TCTN3: variants seen among roughly 807,000 people sequenced by gnomAD.
TCTN3 encodes the protein tectonic family member 3, also known as tectonic-3.
In TCTN3, 57 loss-of-function variants were observed where a neutral mutation model predicts 71.3. The ratio of observed to expected loss-of-function variants is 0.80; its 90% CI spans 0.65 to 1.00. The LOEUF is 1.00. Among genes scored for constraint, TCTN3 ranks in the 50% least tolerant of loss-of-function variants. TCTN3 has a pLI of 0.00. For missense variants in TCTN3, 696 were observed against 719.9 expected (o/e 0.97, Z 0.38); for synonymous variants, 258 against 267.8 (o/e 0.96, Z 0.36).
At chr10:95,690,320 T>C (rs2097952372) in intron 3 of TCTN3, among the ~76,000 whole-genome samples, 1 of 152,188 alleles carries the variant, frequency 6.6e-6, no homozygotes, top group Non-Finnish European at 1.5e-5. Flanking sequence ...GAAACAAAGA[T>C]ATGGTCCATC....
intron 13 of TCTN3, among the ~76,000 whole-genome samples, chr10:95,675,696 CAGTT>C (rs1240688081): frequency 6.6e-6 from 1 of 152,170 alleles, no homozygotes; most frequent in Non-Finnish European, 1.5e-5. Context: ...AAAGAGAAGT[CAGTT>C]AGTATTCTCC....
intron 2 of TCTN3, 141 bp from the exon 3 acceptor site, chr10:95,693,179 T>C (rs2097955258): frequency 4.0e-6 from 5 of 1,236,038 alleles, no homozygotes. Flanking sequence ...CTTATTCTAC[T>C]GGCCAGCCCT....
intron 13 of TCTN3, among the ~76,000 whole-genome samples, chr10:95,676,220 AAAAC>A (rs1280759131): frequency 5.9e-5 from 9 of 152,180 alleles, no homozygotes; most frequent in Non-Finnish European, 2.9e-5. Context: ...TTAAAATACA[AAAAC>A]AAACCAGAAT....
chr10:95,693,123 G>C (rs2097955190), intron 2 of TCTN3, 85 bp from the exon 3 acceptor site: 1 of 1,242,612 alleles, frequency 8.0e-7, no homozygotes, highest in Admixed American at 2.0e-5. Flanking sequence ...TCGGCCAGAT[G>C]ATGCCAAAGA....
At chr10:95,681,637 G>A (rs2097943119) in intron 12 of TCTN3, among the ~76,000 whole-genome samples, 1 of 152,180 alleles carries the variant, frequency 6.6e-6, no homozygotes, top group Non-Finnish European at 1.5e-5. Context: ...GCAAAATGCA[G>A]AAAGGCATAT....
At chr10:95,671,191 A>G (rs1172869401) in intron 13 of TCTN3, among the ~76,000 whole-genome samples, 1 of 152,312 alleles carries the variant, frequency 6.6e-6, no homozygotes, top group African/African-American at 2.4e-5. Context: ...TTTTATCAAG[A>G]CAGACAAAAG....
chr10:95,666,297 A>G (rs1300665867), intron 13 of TCTN3, among the ~76,000 whole-genome samples: 1 of 150,942 alleles, frequency 6.6e-6, no homozygotes, highest in Non-Finnish European at 1.5e-5. Flanking sequence ...TAGGATAAAT[A>G]TAACTTCTGA....
At chr10:95,684,433 C>T (rs1487569257) in intron 9 of TCTN3, 66 bp downstream of exon 9, 6 of 1,573,534 alleles carry the variant, frequency 3.8e-6, no homozygotes, top group Non-Finnish European at 5.2e-6. Flanking sequence ...ATTACAGAAG[C>T]AAAGAAATTA....
At chr10:95,674,570 T>C (rs1026580590) in intron 13 of TCTN3, among the ~76,000 whole-genome samples, 1 of 152,190 alleles carries the variant, frequency 6.6e-6, no homozygotes, top group Non-Finnish European at 1.5e-5. Flanking sequence ...CCTTTTCATG[T>C]CAATAACATT....
chr10:95,691,327 T>C (rs2097953339), intron 3 of TCTN3, among the ~76,000 whole-genome samples: 1 of 152,020 alleles, frequency 6.6e-6, no homozygotes. Flanking sequence ...TAATTTTTTG[T>C]TTTTTTAGTA....
In TCTN3 at chr10:95,687,681, C is replaced by T; in HGVS notation, c.538G>A (p.Ala180Thr). 4 of 1,614,106 alleles carry T rather than the reference C, an allele frequency of 2.5e-6. No individual in the cohort carries two copies. Among genetic ancestry groups the T allele is most frequent in the Non-Finnish European group, 3.4e-6 (4 of 1,179,966 alleles). ...NYFQKLQKVN[A>T]TNFQALAAEF... ...GCAGCCAGGGCCTGGAAGTTGGTTG[C>T]ATTGACCTTTTGAAGCTTCTGGAAA... Residue 180 changes from alanine (A) to threonine (T), a missense_variant, in exon 4 of 14, where the codon GCA (alanine) becomes ACA (threonine). Transcript: ENST00000371217.
At position 95,693,342 on chromosome 10, in the gene TCTN3, A is replaced by G. The variant is rs2097955453; in HGVS notation, c.380+11T>C. On this transcript the variant is annotated intron_variant, in intron 2 of 13. Transcript: ENST00000371217. ...ACCCCTTTAGGATTCAGTCTGAGCA[A>G]CGAAGCTCACCTTACGCTGCCTGGA... 1 of 1,551,808 alleles carries G rather than the reference A, an allele frequency of 6.4e-7. No individual in the cohort carries two copies. Among genetic ancestry groups the G allele is most frequent in the African/African-American group, 1.4e-5 (1 of 73,188 alleles).
chr10:95,682,378 T>G (rs1360848689), intron 12 of TCTN3, among the ~76,000 whole-genome samples: 1 of 151,984 alleles, frequency 6.6e-6, no homozygotes, highest in Admixed American at 6.6e-5. Context: ...CAGTCCCAGC[T>G]ACTCGGGAGG....
Position 95,677,493 on chromosome 10 carries a change from T to TTTG in TCTN3, c.1590+2978_1590+2979insCAA, listed in dbSNP as rs1589609161. ...TCTACAGTTTTTTTTGTTTTTTTTTTTTTTTTTTGCTGTATTTTCCCTCTA... is the reference window on the plus strand; with the variant it reads ...TCTACAGTTTTTTTTGTTTTTTTTTTTTGTTTTTTTTGCTGTATTTTCCCTCTA... On this transcript the variant is annotated intron_variant, in intron 13 of 13. Transcript: ENST00000371217. Among the ~76,000 whole-genome samples the TTTG allele has an allele frequency of 2.7e-5, 4 of 149,032 alleles. No homozygotes were observed. In the East Asian group the frequency reaches 6.0e-4, roughly 22 times the overall value.
At chr10:95,674,689 T>C (rs1452904777) in intron 13 of TCTN3, among the ~76,000 whole-genome samples, 1 of 152,208 alleles carries the variant, frequency 6.6e-6, no homozygotes, top group Non-Finnish European at 1.5e-5. Context: ...ATAAACTGTA[T>C]CTGTATGTTA....
In TCTN3 at chr10:95,664,284, G is replaced by A. The variant is rs768523448; in HGVS notation, c.1607C>T (p.Thr536Ile). 6.8e-6 allele frequency: 11 copies of A among 1,613,842 alleles called. No individual in the cohort carries two copies. In the African/African-American group the frequency reaches 1.2e-4, roughly 18 times the overall value. Residue 536 changes from threonine to isoleucine, a missense_variant, in exon 14 of 14, where the codon ACA (threonine) becomes ATA (isoleucine). By Grantham distance (89) the Thr-to-Ile change is moderately conservative. Coordinates refer to ENST00000371217, the MANE Select transcript of TCTN3 (RefSeq NM_015631.6). ...CQSIQDSQQVTEVSLTTLVNF... is the reference protein window; with the variant it reads ...CQSIQDSQQVIEVSLTTLVNF... ...CACAAGAGTTGTCAAAGATACTTCT[G>A]TAACTTGCTGAGAATCCTACGGGAA...
intron 3 of TCTN3, among the ~76,000 whole-genome samples, chr10:95,688,397 GAAAAAAAAA>G (rs60722894): frequency 3.0e-4 from 31 of 104,574 alleles, no homozygotes; most frequent in African/African-American, 7.7e-4. Flanking sequence ...TCAAAAAAAA[GAAAAAAAAA>G]AAAAAAAAAA....
chr10:95,677,069 A>T (rs866909489), intron 13 of TCTN3, among the ~76,000 whole-genome samples: 1 of 152,214 alleles, frequency 6.6e-6, no homozygotes, highest in Non-Finnish European at 1.5e-5. Flanking sequence ...CACAAATTAA[A>T]TATTATAATT....
At position 95,687,434 on chromosome 10, in the gene TCTN3, G is replaced by A; in HGVS notation, c.628-79C>T. On this transcript the variant is annotated intron_variant, in intron 4 of 13. Coordinates refer to ENST00000371217, the MANE Select transcript of TCTN3 (RefSeq NM_015631.6). ...ACAGAAAAGAAAGAGTAGAAACAAG[G>A]TTAACTCAAGGGCATGATTACGTGG... 4 of 1,507,328 alleles carry A rather than the reference G, an allele frequency of 2.7e-6. No homozygotes were observed. The South Asian group carries it at 4.9e-5, about 18-fold the overall frequency. The allele number at this position is 1,507,328 out of a possible 1,614,324, so 93.4% of individuals were successfully genotyped here.
Sources: allele counts gnomAD v4.1 joint callset (sites outside exome capture counted in the v4.1 genomes callset), GRCh38; gene constraint gnomAD v4.1.1; transcripts MANE v1.5; gene names NCBI Gene and HGNC (gene_info 2026-07-23, HGNC 2026-07-21).